Variants in GDPD4 observed in about 807,000 individuals in gnomAD.
The protein encoded by GDPD4 is glycerophosphodiester phosphodiesterase 6.
GDPD4 carries 60 observed loss-of-function variants against 67.8 expected under a neutral mutation model. The ratio of observed to expected loss-of-function variants is 0.88; its 90% CI spans 0.72 to 1.10. GDPD4 has a LOEUF of 1.10. Among genes scored for constraint, GDPD4 ranks in the 50% least tolerant of loss-of-function variants. GDPD4 has a pLI of 0.00. For synonymous variants in GDPD4, 212 were observed against 210.9 expected (o/e 1.00, Z -0.04); for missense variants, 623 against 613.9 (o/e 1.01, Z -0.16).
At chr11:77,271,445 G>C (rs1959224508) in intron 5 of GDPD4, 52 bp from the exon 6 acceptor site, 3 of 1,079,328 alleles carry the variant, frequency 2.8e-6, no homozygotes, top group African/African-American at 1.6e-5. Context: ...GCTTGGATCA[G>C]AACTGTCCTC....
intron 3 of GDPD4, among the ~76,000 whole-genome samples, chr11:77,284,572 A>G (rs1406675917): frequency 1.3e-5 from 2 of 152,196 alleles, no homozygotes; most frequent in Non-Finnish European, 2.9e-5. Flanking sequence ...AAGCCAGAAA[A>G]GGGCTGGGAA....
At chr11:77,246,369 C>G (rs1591543661) in intron 11 of GDPD4, among the ~76,000 whole-genome samples, 1 of 152,152 alleles carries the variant, frequency 6.6e-6, no homozygotes, top group African/African-American at 2.4e-5. Flanking sequence ...ATTTTTATGC[C>G]TCTGTATGTC....
At chr11:77,240,130 T>TA (rs33975580) in intron 13 of GDPD4, among the ~76,000 whole-genome samples, 81,877 of 150,538 alleles carry the variant, frequency 0.54, 22,895 homozygotes, top group African/African-American at 0.7. Flanking sequence ...TTCACAGAAA[T>TA]AAAAAAAAAA....
At chr11:77,253,528 A>C (rs1043871950) in intron 11 of GDPD4, among the ~76,000 whole-genome samples, 3 of 152,142 alleles carry the variant, frequency 2.0e-5, no homozygotes, top group African/African-American at 7.2e-5. Context: ...CCAGGGAAGC[A>C]GGGTACTACA....
At chr11:77,228,346 T>A (rs12271408) in intron 15 of GDPD4, among the ~76,000 whole-genome samples, 116,274 of 149,986 alleles carry the variant, frequency 0.78, 45,532 homozygotes, top group Middle Eastern at 0.87. Context: ...AAAATATTTT[T>A]AAAAAAAATT....
At chr11:77,251,595 G>A (rs1958899691) in intron 11 of GDPD4, among the ~76,000 whole-genome samples, 1 of 152,124 alleles carries the variant, frequency 6.6e-6, no homozygotes, top group African/African-American at 2.4e-5. Context: ...TCCTTTATAT[G>A]TGACTTGATG....
intron 1 of GDPD4, among the ~76,000 whole-genome samples, chr11:77,289,974 G>A (rs186892078): frequency 5.9e-4 from 90 of 152,232 alleles, no homozygotes; most frequent in African/African-American, 2.0e-3. Flanking sequence ...GAAAAGCATC[G>A]AAAACCAATT....
At chr11:77,257,552 T>TACACACACACAC (rs71043563) in intron 11 of GDPD4, among the ~76,000 whole-genome samples, 113 of 134,344 alleles carry the variant, frequency 8.4e-4, no homozygotes, top group Admixed American at 1.8e-3. Flanking sequence ...CTCCCTCTCC[T>TACACACACACAC]ACACACACAC....
At chr11:77,245,229 G>A (rs951628636) in intron 12 of GDPD4, 52 bp downstream of exon 12, 1 of 1,385,606 alleles carries the variant, frequency 7.2e-7, no homozygotes, top group Non-Finnish European at 1.0e-6. Context: ...TGTGCTCCTA[G>A]GACATGCTAC....
At chr11:77,250,416 A>T (rs1373717888) in intron 11 of GDPD4, among the ~76,000 whole-genome samples, 1 of 152,140 alleles carries the variant, frequency 6.6e-6, no homozygotes, top group Non-Finnish European at 1.5e-5. Context: ...AAAAGACAGG[A>T]TTTCACTCTT....
At chr11:77,281,505 T>A (rs879421724) in intron 3 of GDPD4, among the ~76,000 whole-genome samples, 5 of 152,152 alleles carry the variant, frequency 3.3e-5, no homozygotes, top group Admixed American at 3.3e-4. Flanking sequence ...ACAAAATGTT[T>A]TGAAAAATCT....
At chr11:77,286,599 A>G (rs560610744) in intron 2 of GDPD4, among the ~76,000 whole-genome samples, 1 of 152,358 alleles carries the variant, frequency 6.6e-6, no homozygotes, top group East Asian at 1.9e-4. Context: ...ACAAATAAGT[A>G]AAGGTACATG....
chr11:77,263,158 C>T (rs1185458678), intron 10 of GDPD4, among the ~76,000 whole-genome samples: 1 of 119,896 alleles, frequency 8.3e-6, no homozygotes, highest in Non-Finnish European at 1.8e-5. Flanking sequence ...GAAATTGATA[C>T]AATTTGAAAC....
intron 14 of GDPD4, among the ~76,000 whole-genome samples, chr11:77,229,664 C>A (rs1043382151): frequency 6.6e-6 from 1 of 152,214 alleles, no homozygotes; most frequent in Non-Finnish European, 1.5e-5. Context: ...CTGGGTCTCA[C>A]TAGACACCTA....
intron 5 of GDPD4, among the ~76,000 whole-genome samples, chr11:77,272,311 G>A (rs1184113241): frequency 2.6e-5 from 4 of 152,060 alleles, no homozygotes; most frequent in Admixed American, 2.6e-4. Flanking sequence ...TACAAGAACA[G>A]AAAATACATA....
chr11:77,297,675 G>A (rs1938022502), intron 1 of GDPD4, among the ~76,000 whole-genome samples: 1 of 152,128 alleles, frequency 6.6e-6, no homozygotes, highest in African/African-American at 2.4e-5. Context: ...TTTAAATGTG[G>A]ATGATAATGG....
chr11:77,257,588 CA>C (rs1959028661), intron 11 of GDPD4, among the ~76,000 whole-genome samples: 1 of 151,386 alleles, frequency 6.6e-6, no homozygotes, highest in African/African-American at 2.4e-5. Context: ...CACACACACA[CA>C]CACACCCTGT....
chr11:77,275,941 T>C lies in GDPD4; in HGVS notation c.207+220A>G, dbSNP rs117939091. On this transcript the variant is annotated intron_variant, in intron 5 of 16. Coordinates refer to ENST00000315938, the MANE Select transcript of GDPD4 (RefSeq NM_182833.3). ...GGAAGTAGTGAGAACAAATAAGAGT[T>C]TGGGTTCAGCTCGGGTTCAGCTCCC... 7.7e-3 allele frequency among the ~76,000 whole-genome samples: 1,178 copies of C among 152,276 alleles called. 13 individuals are homozygous for C. Among genetic ancestry groups the C allele is most frequent in the Non-Finnish European group, 0.012 (810 of 68,018 alleles).
At chr11:77,277,503 C>T (rs1471650944) in intron 4 of GDPD4, among the ~76,000 whole-genome samples, 2 of 143,822 alleles carry the variant, frequency 1.4e-5, no homozygotes, top group African/African-American at 5.1e-5. Context: ...CCCAGGTTCA[C>T]GCCATTCTCC....
Sources: gnomAD v4.1 joint callset for allele counts (sites outside exome capture counted in the v4.1 genomes callset) on GRCh38, gnomAD v4.1.1 for gene constraint, MANE v1.5 for transcripts, NCBI Gene and HGNC (gene_info 2026-07-23, HGNC 2026-07-21) for gene names.